Variants in STXBP5 observed in about 807,000 individuals in gnomAD.
STXBP5 encodes the protein syntaxin-binding protein 5.
Under a neutral mutation model 152.4 loss-of-function variants are expected in STXBP5, and 50 were observed. That is an observed-to-expected ratio of 0.33 (90% CI 0.26 to 0.42). The LOEUF is 0.42. Among genes scored for constraint, STXBP5 ranks in the 10% least tolerant of loss-of-function variants. The pLI is 1.00. For missense variants in STXBP5, 1,167 were observed against 1,388.6 expected, an observed-to-expected ratio of 0.84 and a Z score of 2.54; for synonymous variants, 492 against 494.7, an observed-to-expected ratio of 0.99 and a Z score of 0.07.
intron 9 of STXBP5, among the ~76,000 whole-genome samples, chr6:147,306,534 A>T (rs1782101931): frequency 6.6e-6 from 1 of 152,204 alleles, no homozygotes. Flanking sequence ...TGTGGAGATG[A>T]AAAGGAGGAG....
intron 4 of STXBP5, among the ~76,000 whole-genome samples, chr6:147,244,308 T>C (rs1228196544): frequency 6.6e-6 from 1 of 152,162 alleles, no homozygotes; most frequent in East Asian, 1.9e-4. Flanking sequence ...TACTGTAGTT[T>C]TGTAGCAAGT....
At chr6:147,230,384 A>G (rs1367667290) in intron 2 of STXBP5, among the ~76,000 whole-genome samples, 1 of 151,874 alleles carries the variant, frequency 6.6e-6, no homozygotes, top group Non-Finnish European at 1.5e-5. Flanking sequence ...TATTAAAATT[A>G]ATTTTTAAAC....
intron 4 of STXBP5, 113 bp from the exon 5 acceptor site, chr6:147,260,502 T>G (rs1779590412): frequency 1.7e-6 from 2 of 1,157,342 alleles, no homozygotes; most frequent in African/African-American, 3.1e-5. Flanking sequence ...AATCTGATGA[T>G]TATATACCAG....
chr6:147,320,288 T>TA (rs1782856657), intron 16 of STXBP5, among the ~76,000 whole-genome samples: 2 of 152,150 alleles, frequency 1.3e-5, no homozygotes, highest in African/African-American at 4.8e-5. Context: ...GAGATAGCCT[T>TA]ATCCTCCCAG....
intron 4 of STXBP5, among the ~76,000 whole-genome samples, chr6:147,256,768 T>A (rs1015868405): frequency 2.0e-4 from 31 of 152,206 alleles, no homozygotes; most frequent in African/African-American, 7.0e-4. Context: ...TCCCATATTT[T>A]GTATGGTTTT....
intron 11 of STXBP5, among the ~76,000 whole-genome samples, chr6:147,312,206 G>A (rs749330404): frequency 2.0e-5 from 3 of 151,904 alleles, no homozygotes; most frequent in Non-Finnish European, 4.4e-5. Context: ...TCTTTTTCGG[G>A]CTTTTCCTAT....
intron 9 of STXBP5, among the ~76,000 whole-genome samples, chr6:147,298,156 GAT>G (rs755868215): frequency 7.4e-4 from 112 of 151,976 alleles, no homozygotes; most frequent in Non-Finnish European, 1.4e-3. Context: ...TATGGAAAAA[GAT>G]ATTTCATGCA....
intron 4 of STXBP5, among the ~76,000 whole-genome samples, chr6:147,259,585 T>C (rs1326364810): frequency 6.6e-6 from 1 of 152,156 alleles, no homozygotes. Context: ...TGTAATAAAA[T>C]TGTGTGTTAA....
chr6:147,236,273 C>T (rs768103792), intron 3 of STXBP5, among the ~76,000 whole-genome samples: 19 of 152,054 alleles, frequency 1.2e-4, no homozygotes, highest in Admixed American at 8.5e-4. Flanking sequence ...ACTTCAGTAT[C>T]CTGTATAGAA....
intron 4 of STXBP5, among the ~76,000 whole-genome samples, chr6:147,240,682 G>T (rs1778498353): frequency 6.6e-6 from 1 of 152,204 alleles, no homozygotes; most frequent in Non-Finnish European, 1.5e-5. Context: ...TGTAATAACA[G>T]TAGAGGTAAG....
chr6:147,301,956 T>C (rs1781841875), intron 9 of STXBP5, among the ~76,000 whole-genome samples: 1 of 152,164 alleles, frequency 6.6e-6, no homozygotes, highest in South Asian at 2.1e-4. Flanking sequence ...TATAATCCCG[T>C]ATTGCCAGAA....
At chr6:147,232,735 T>C (rs573553425) in intron 2 of STXBP5, among the ~76,000 whole-genome samples, 23 of 151,984 alleles carry the variant, frequency 1.5e-4, no homozygotes, top group African/African-American at 5.5e-4. Flanking sequence ...TAGTAGCTAC[T>C]CAGTAAGTGG....
chr6:147,252,267 A>G (rs1374901051), intron 4 of STXBP5, among the ~76,000 whole-genome samples: 1 of 152,148 alleles, frequency 6.6e-6, no homozygotes, highest in African/African-American at 2.4e-5. Context: ...AAGGTGGGTA[A>G]TAACAAACTT....
chr6:147,363,817 A>C (rs1785175016), intron 24 of STXBP5, 113 bp downstream of exon 24: 13 of 1,451,756 alleles, frequency 9.0e-6, no homozygotes, highest in Non-Finnish European at 1.2e-5. Context: ...ATACTCTGAG[A>C]ATTTATTTTT....
intron 17 of STXBP5, among the ~76,000 whole-genome samples, chr6:147,325,802 A>G (rs1396760589): frequency 6.6e-6 from 1 of 152,088 alleles, no homozygotes; most frequent in East Asian, 1.9e-4. Flanking sequence ...CCCACCACCT[A>G]TTCTGTCTCT....
Position 147,364,100 on chromosome 6 carries a change from A to G in STXBP5, c.3015A>G (p.Leu1005=), listed in dbSNP as rs1406377598. ...GCTTTACCAACAATGGACAAGCATT[A>G]TACCTTGTTTCACCTACAGAAATCC... ...TFCFTNNGQA[L]YLVSPTEIQR... The change falls in exon 25 of 28, where the codon TTA becomes TTG. Residue 1005 remains leucine (L), a synonymous_variant. Coordinates refer to ENST00000321680, the MANE Select transcript of STXBP5 (RefSeq NM_001127715.4). 1.2e-6 allele frequency: 2 copies of G among 1,614,046 alleles called. No homozygotes were observed. Among genetic ancestry groups the G allele is most frequent in the Non-Finnish European group, 1.7e-6 (2 of 1,179,974 alleles).
At chr6:147,325,620 A>ATG (rs1783211686) in intron 17 of STXBP5, among the ~76,000 whole-genome samples, 1 of 152,224 alleles carries the variant, frequency 6.6e-6, no homozygotes, top group African/African-American at 2.4e-5. Flanking sequence ...TTATTACAAT[A>ATG]TGATAGACTT....
intron 8 of STXBP5, among the ~76,000 whole-genome samples, chr6:147,279,214 T>C (rs947547764): frequency 2.6e-5 from 4 of 152,190 alleles, no homozygotes; most frequent in African/African-American, 9.6e-5. Context: ...AAATTTTTAT[T>C]ATAATATTTA....
intron 21 of STXBP5, among the ~76,000 whole-genome samples, chr6:147,339,757 A>G (rs1291621534): frequency 6.6e-6 from 1 of 151,668 alleles, no homozygotes; most frequent in Non-Finnish European, 1.5e-5. Flanking sequence ...TCTCTCTCAT[A>G]TTTTCAAGGC....
Sources: allele counts gnomAD v4.1 joint callset (sites outside exome capture counted in the v4.1 genomes callset), GRCh38; gene constraint gnomAD v4.1.1; transcripts MANE v1.5; gene names NCBI Gene and HGNC (gene_info 2026-07-23, HGNC 2026-07-21).